The following TMX2 variants were observed in gnomAD, a reference collection of about 807,000 sequenced individuals.
TMX2 encodes the protein thioredoxin-related transmembrane protein 2.
Under a neutral mutation model 33.4 loss-of-function variants are expected in TMX2, and 20 were observed. The observed-to-expected ratio is 0.60, with a 90% confidence interval of 0.42 to 0.87. The LOEUF is 0.87. Among genes scored for constraint, TMX2 ranks in the 40% least tolerant of loss-of-function variants. TMX2 has a pLI of 0.00. For synonymous variants in TMX2, 166 were observed against 140.7 expected (o/e 1.18, Z -1.27); for missense variants, 340 against 370.7 (o/e 0.92, Z 0.68).
intron 1 of TMX2, among the ~76,000 whole-genome samples, chr11:57,725,054 AAG>A (rs1565221394): frequency 6.7e-6 from 1 of 149,640 alleles, no homozygotes. Flanking sequence ...AAAAAAAAAA[AAG>A]AAAGAAAAGA....
At chr11:57,718,282 C>T in intron 1 of TMX2, 4 of 1,547,468 alleles carry the variant, frequency 2.6e-6, no homozygotes, top group Non-Finnish European at 3.5e-6. Flanking sequence ...AAGTTCTCAT[C>T]ATCAAATTTC....
intron 1 of TMX2, among the ~76,000 whole-genome samples, chr11:57,726,210 C>T (rs1445755801): frequency 6.6e-6 from 1 of 151,808 alleles, no homozygotes; most frequent in Non-Finnish European, 1.5e-5. Context: ...GTCAGGAGTT[C>T]GAGACCACCC....
chr11:57,734,307 A>T (rs1448937864), intron 1 of TMX2, among the ~76,000 whole-genome samples: 1 of 152,258 alleles, frequency 6.6e-6, no homozygotes, highest in East Asian at 1.9e-4. Context: ...AGAGATAGGG[A>T]GAGAGTCTAG....
intron 1 of TMX2, among the ~76,000 whole-genome samples, chr11:57,724,680 T>A (rs1474153767): frequency 2.0e-5 from 3 of 151,958 alleles, no homozygotes; most frequent in Non-Finnish European, 2.9e-5. Flanking sequence ...CTGTAAAATG[T>A]AAGATGTTTA....
chr11:57,740,347 G>C lies in TMX2; in HGVS notation c.*102G>C, dbSNP rs1181814773. 7.3e-6 allele frequency: 10 copies of C among 1,365,902 alleles called. No individual in the cohort carries two copies. Among genetic ancestry groups the C allele is most frequent in the African/African-American group, 1.5e-5 (1 of 66,862 alleles). The allele number at this position is 1,365,902 out of a possible 1,614,324, so 84.6% of individuals were successfully genotyped here. A position where few individuals can be genotyped will look rare whatever the true frequency, so the allele number is the denominator to read the frequency against. ...TTTTATTTATGTTTTCCCTTTGGCT[G>C]TGACTGGGTGGGGCAGCATGCAGCT... On this transcript the variant is annotated 3_prime_UTR_variant, in exon 8 of 8. Transcript: ENST00000278422.
intron 1 of TMX2, among the ~76,000 whole-genome samples, chr11:57,734,850 T>C (rs1329727613): frequency 6.6e-6 from 1 of 152,098 alleles, no homozygotes; most frequent in Non-Finnish European, 1.5e-5. Flanking sequence ...TGAAAATCTT[T>C]CCTGGCAGGG....
At position 57,739,046 on chromosome 11, in the gene TMX2, A is replaced by G. The variant is rs374815318; in HGVS notation, c.614+7A>G. The stretch of plus-strand genomic sequence containing the variant: ...ATACTGATGTTAGTACGCGGTATGT[A>G]AAGACCTGGGCAGAGGGTCTGAGCA... On this transcript the variant is annotated splice_region_variant and intron_variant, in intron 6 of 7. Transcript: ENST00000278422. 9.3e-6 allele frequency: 15 copies of G among 1,614,142 alleles called. No individual in the cohort carries two copies. The East Asian group carries it at 2.7e-4, about 29-fold the overall frequency.
chr11:57,715,032 T>G (rs1946885166), intron 1 of TMX2, among the ~76,000 whole-genome samples: 1 of 152,216 alleles, frequency 6.6e-6, no homozygotes. Flanking sequence ...CCCAGTCCGG[T>G]GATACAGTTT....
At chr11:57,718,211 T>C in intron 1 of TMX2, 1 of 1,407,268 alleles carries the variant, frequency 7.1e-7, no homozygotes, top group Non-Finnish European at 1.0e-6. Context: ...GCTGGGAACC[T>C]TTTGTGTTGG....
At chr11:57,731,424 G>A (rs970390748) in intron 1 of TMX2, among the ~76,000 whole-genome samples, 5 of 135,738 alleles carry the variant, frequency 3.7e-5, no homozygotes, top group Admixed American at 2.3e-4. Flanking sequence ...GTGAGACACC[G>A]CACCCAGCCT....
At chr11:57,728,273 C>T (rs1311979963) in intron 1 of TMX2, among the ~76,000 whole-genome samples, 2 of 152,226 alleles carry the variant, frequency 1.3e-5, no homozygotes, top group Non-Finnish European at 2.9e-5. Context: ...CGCCATTCTC[C>T]TGCCTCAGCC....
At chr11:57,736,851 A>C (rs1165963744) in intron 1 of TMX2, among the ~76,000 whole-genome samples, 1 of 150,664 alleles carries the variant, frequency 6.6e-6, no homozygotes, top group Non-Finnish European at 1.5e-5. Flanking sequence ...ACACCATTGC[A>C]CTCTAGCCTG....
intron 1 of TMX2, among the ~76,000 whole-genome samples, chr11:57,714,683 T>A (rs1299190406): frequency 6.6e-6 from 1 of 152,128 alleles, no homozygotes; most frequent in Non-Finnish European, 1.5e-5. Flanking sequence ...AGTCTTAACC[T>A]CCTGGGCAAA....
At position 57,726,369 on chromosome 11, in the gene TMX2, C is replaced by T. The variant is rs375926175; in HGVS notation, c.190-11239C>T. ...CGGAGGTTGCAGTGAGCCGAGATCA[C>T]GCCACTGCACTCTGGCCTGGGCGAC... is the stretch of plus-strand genomic sequence containing the variant. On this transcript the variant is annotated intron_variant, in intron 1 of 7. Coordinates refer to ENST00000278422, the MANE Select transcript of TMX2 (RefSeq NM_015959.4). 4.3e-4 allele frequency among the ~76,000 whole-genome samples: 65 copies of T among 151,804 alleles called. 3 individuals are homozygous for T. Among genetic ancestry groups the T allele is most frequent in the East Asian group, 2.9e-3 (15 of 5,158 alleles).
At chr11:57,721,117 T>TA (rs1947599406) in intron 1 of TMX2, among the ~76,000 whole-genome samples, 1 of 150,360 alleles carries the variant, frequency 6.7e-6, no homozygotes, top group South Asian at 2.1e-4. Flanking sequence ...GCCTGGGCAA[T>TA]ACAGTGAAAC....
intron 7 of TMX2, among the ~76,000 whole-genome samples, chr11:57,739,560 C>T (rs186906543): frequency 3.9e-5 from 6 of 152,270 alleles, no homozygotes; most frequent in African/African-American, 1.2e-4. Flanking sequence ...GAGTTTGAGA[C>T]CAGCCTGACC....
At chr11:57,739,310 G>A in intron 7 of TMX2, 50 bp downstream of exon 7, 1 of 1,605,932 alleles carries the variant, frequency 6.2e-7, no homozygotes, top group Non-Finnish European at 8.5e-7. Flanking sequence ...CAGTAGGTGG[G>A]CTTTCAAGCC....
chr11:57,724,692 A>C (rs1947860028), intron 1 of TMX2, among the ~76,000 whole-genome samples: 1 of 152,158 alleles, frequency 6.6e-6, no homozygotes, highest in Non-Finnish European at 1.5e-5. Context: ...AGATGTTTAA[A>C]CAAGCTTTAT....
Position 57,737,898 on chromosome 11 carries a change from ATC to A in TMX2, c.251-11_251-10del. On this transcript the variant is annotated splice_polypyrimidine_tract_variant and intron_variant, in intron 2 of 7. Transcript: ENST00000278422. ...TGCACAGCCCAGCCTGACCTGTGAC[ATC>A]TCTGTGTTTCAGTCACTGTGGAGCA... 1 of 1,614,218 alleles carries A rather than the reference ATC, an allele frequency of 6.2e-7. No homozygotes were observed. Among genetic ancestry groups the A allele is most frequent in the Non-Finnish European group, 8.5e-7 (1 of 1,180,034 alleles).
Sources: allele counts gnomAD v4.1 joint callset (sites outside exome capture counted in the v4.1 genomes callset), GRCh38; gene constraint gnomAD v4.1.1; transcripts MANE v1.5; gene names NCBI Gene and HGNC (gene_info 2026-07-23, HGNC 2026-07-21).